CHEK1: variants seen among roughly 807,000 people sequenced by gnomAD.
CHEK1 encodes the protein serine/threonine-protein kinase Chk1.
A neutral mutation model predicts 60.2 loss-of-function variants in CHEK1; 32 were observed. The ratio of observed to expected loss-of-function variants is 0.53; its 90% CI spans 0.40 to 0.71. The LOEUF is 0.71. Among genes scored for constraint, CHEK1 ranks in the 30% least tolerant of loss-of-function variants. The pLI, the probability that CHEK1 is intolerant of heterozygous loss-of-function variation, is 0.00. For missense variants in CHEK1, 399 were observed against 564.6 expected, an observed-to-expected ratio of 0.71 and a Z score of 2.97; for synonymous variants, 179 against 187.2, an observed-to-expected ratio of 0.96 and a Z score of 0.36.
Position 125,625,976 on chromosome 11 carries a change from A to G in CHEK1, c.-57A>G. 1 of 702,598 alleles carries G rather than the reference A, an allele frequency of 1.4e-6. No individual in the cohort carries two copies. The highest frequency in any genetic ancestry group is 2.6e-6 in the Non-Finnish European group (1 of 384,982). The allele number at this position is 702,598 out of a possible 1,614,324, so 43.5% of individuals were successfully genotyped here. On this transcript the variant is annotated 5_prime_UTR_variant, in exon 1 of 13. Transcript: ENST00000438015. ...CAAGTTTTGGCGGGAAAAGCGCTGC[A>G]TTTGGATTCCTGCAGTGGTGGGCAA...
downstream of CHEK1, chr11:125,676,570 G>T: frequency 6.9e-7 from 1 of 1,459,362 alleles, no homozygotes; most frequent in Non-Finnish European, 9.5e-7. Flanking sequence ...GCAATAGGTA[G>T]CATGGATACT....
rs766742834 is a variant in CHEK1, at chr11:125,672,579, A to G, written c.*28-3349A>G. ...TTTTACTGCCTGAGTCAAAACAAGC[A>G]AGGGCCCAGGCTTCTAGATCTTATT... On this transcript the variant is annotated intron_variant, in intron 13 of 13. Coordinates refer to the CHEK1 transcript ENST00000428830. 17 of 1,613,030 alleles carry G rather than the reference A, an allele frequency of 1.1e-5. No homozygotes were observed. In the African/African-American group the frequency reaches 2.1e-4, roughly 20 times the overall value.
chr11:125,625,471 C>G lies in CHEK1; in HGVS notation c.-562C>G, dbSNP rs144289861. The G allele has an allele frequency of 5.6e-6, 2 of 356,592 alleles. No homozygotes were observed. The highest frequency in any genetic ancestry group is 4.1e-5 in the African/African-American group (2 of 48,812). 22.1% of individuals were successfully genotyped at this position (356,592 alleles called of 1,614,324 possible). On this transcript the variant is annotated 5_prime_UTR_variant, in exon 1 of 13. Coordinates refer to ENST00000438015, the MANE Select transcript of CHEK1 (RefSeq NM_001114122.3). ...CTCTCAGCAGCTGCTGCTGGTTTCT[C>G]GGCTCCAGCACCACGAGTACCGCAC... is the stretch of plus-strand genomic sequence containing the variant.
chr11:125,626,037 A>T, intron 1 of CHEK1, 25 bp downstream of exon 1: 1 of 692,816 alleles, frequency 1.4e-6, no homozygotes, highest in South Asian at 1.5e-5. Context: ...CCGGTAGAGT[A>T]GGGAAGGTTT....
At chr11:125,636,494 A>G (rs978372998) in intron 7 of CHEK1, among the ~76,000 whole-genome samples, 1 of 152,148 alleles carries the variant, frequency 6.6e-6, no homozygotes, top group Non-Finnish European at 1.5e-5. Flanking sequence ...TCAAGGATGT[A>G]GTTTTTATTA....
chr11:125,657,269 A>ATG (rs147076754), downstream of CHEK1: 70,045 of 139,600 alleles, frequency 0.5, 17,241 homozygotes, highest in Admixed American at 0.6. Context: ...ATATAAAAAT[A>ATG]TGTGTGTGTG....
chr11:125,659,422 G>A (rs908236759), downstream of CHEK1, among the ~76,000 whole-genome samples: 1 of 151,280 alleles, frequency 6.6e-6, no homozygotes, highest in African/African-American at 2.4e-5. Context: ...AAATACATTC[G>A]AGATACTAGT....
intron 1 of CHEK1, 147 bp from the exon 2 acceptor site, chr11:125,626,602 T>C: frequency 3.0e-6 from 2 of 673,774 alleles, no homozygotes; most frequent in Non-Finnish European, 5.2e-6. Flanking sequence ...TTGTTCGTGG[T>C]TGAAAGACTT....
intron 11 of CHEK1, among the ~76,000 whole-genome samples, chr11:125,645,070 G>A (rs1253331544): frequency 1.3e-5 from 2 of 152,096 alleles, no homozygotes; most frequent in African/African-American, 4.8e-5. Context: ...AACTATTTAA[G>A]TAAAATGTTC....
intron 5 of CHEK1, among the ~76,000 whole-genome samples, chr11:125,630,844 G>A (rs570650522): frequency 6.6e-6 from 1 of 152,082 alleles, no homozygotes; most frequent in African/African-American, 2.4e-5. Context: ...AATATAGCAG[G>A]AAACTAACCC....
At chr11:125,643,981 A>G in intron 9 of CHEK1, 81 bp downstream of exon 9, 4 of 1,525,712 alleles carry the variant, frequency 2.6e-6, no homozygotes, top group Non-Finnish European at 3.6e-6. Flanking sequence ...TTTTCATAAT[A>G]ATCGACATTA....
At chr11:125,681,096 A>T (rs530716108), downstream of CHEK1, 4 of 187,792 alleles carry the variant, frequency 2.1e-5, no homozygotes, top group South Asian at 6.6e-4. The surrounding 1 kb of genome is among the most constrained non-coding windows in gnomAD (Gnocchi z 4.2). Context: ...CAAAAAGCAC[A>T]TATTTTTTGT....
intron 11 of CHEK1, among the ~76,000 whole-genome samples, chr11:125,650,778 A>T (rs1941695829): frequency 6.6e-6 from 1 of 152,092 alleles, no homozygotes; most frequent in Non-Finnish European, 1.5e-5. Flanking sequence ...TTTGTCATGC[A>T]TGGCTGTACA....
At chr11:125,677,001 A>G (rs1942541943), downstream of CHEK1, among the ~76,000 whole-genome samples, 1 of 152,062 alleles carries the variant, frequency 6.6e-6, no homozygotes, top group Admixed American at 6.5e-5. Context: ...AAATACTTCC[A>G]TGTTGCCTCT....
chr11:125,676,924 G>A (rs1591438128), downstream of CHEK1, among the ~76,000 whole-genome samples: 1 of 150,564 alleles, frequency 6.6e-6, no homozygotes, highest in South Asian at 2.1e-4. Context: ...TGCAAACCCT[G>A]TGAAGAGTGT....
chr11:125,629,281 A>G lies in CHEK1; in HGVS notation c.339A>G (p.Gln113=), dbSNP rs1308438244. ...PEPDAQRFFH[Q]LMAGVVYLHG... ...CAGATGCTCAGAGATTCTTCCATCA[A>G]CTCATGGCAGGGGTGGTAGGTATAG... The change falls in exon 4 of 13, where the codon CAA becomes CAG. Residue 113 remains glutamine (Q), a synonymous_variant. Transcript: ENST00000438015. The G allele has an allele frequency of 1.2e-6, 2 of 1,613,972 alleles. No individual in the cohort carries two copies. The highest frequency in any genetic ancestry group is 2.7e-5 in the African/African-American group (2 of 74,904).
downstream of CHEK1, among the ~76,000 whole-genome samples, chr11:125,658,496 A>G (rs519772): frequency 0.3 from 45,944 of 151,890 alleles, 7,138 homozygotes; most frequent in South Asian, 0.42. Flanking sequence ...TATTGAATAT[A>G]TATACTCTCC....
Position 125,653,995 on chromosome 11 carries a change from T to C in CHEK1, c.1335+148T>C, listed in dbSNP as rs995575293. On this transcript the variant is annotated intron_variant, in intron 12 of 12. Coordinates refer to ENST00000438015, the MANE Select transcript of CHEK1 (RefSeq NM_001114122.3). This position sits in a 1 kb window ranked among gnomAD's most constrained non-coding sequence, Gnocchi z 4.3. ...TATGAGCATGTGTTTTCGTTATCTA[T>C]TTTTCCCGAACATTGTTTTTTTCAA... is the stretch of plus-strand genomic sequence containing the variant. 3.1e-5 allele frequency: 16 copies of C among 514,822 alleles called. No individual in the cohort carries two copies. Among genetic ancestry groups the C allele is most frequent in the Non-Finnish European group, 5.0e-5 (15 of 297,504 alleles). The allele number at this position is 514,822 out of a possible 1,614,324, so 31.9% of individuals were successfully genotyped here.
downstream of CHEK1, among the ~76,000 whole-genome samples, chr11:125,679,728 A>C (rs551724700): frequency 3.9e-5 from 6 of 152,354 alleles, no homozygotes; most frequent in Admixed American, 3.3e-4. Flanking sequence ...CTAAAACCCC[A>C]GAGTACTCAA....
Sources: allele counts gnomAD v4.1 joint callset (sites outside exome capture counted in the v4.1 genomes callset), GRCh38; gene constraint gnomAD v4.1.1; non-coding constraint Gnocchi (gnomAD v3.1); transcripts MANE v1.5; gene names NCBI Gene and HGNC (gene_info 2026-07-23, HGNC 2026-07-21).